The following AMBP variants were observed in gnomAD, a reference collection of about 807,000 sequenced individuals.
AMBP encodes alpha-1-microglobulin/bikunin precursor, also known as protein AMBP.
In AMBP, 37 loss-of-function variants were observed where a neutral mutation model predicts 46.3. That is an observed-to-expected ratio of 0.80 (90% CI 0.61 to 1.05). AMBP has a LOEUF of 1.05. AMBP is among the 50% of genes least tolerant of loss of function. The pLI is 0.00. For synonymous variants in AMBP, 174 were observed against 175.9 expected, an observed-to-expected ratio of 0.99 and a Z score of 0.09; for missense variants, 475 against 461.2, an observed-to-expected ratio of 1.03 and a Z score of -0.27.
At chr9:114,070,255 G>A (rs767332484) in intron 5 of AMBP, among the ~76,000 whole-genome samples, 6 of 152,196 alleles carry the variant, frequency 3.9e-5, no homozygotes, top group Admixed American at 1.3e-4. Context: ...GGGGAGGCAC[G>A]AGCACTGGTG....
At position 114,076,699 on chromosome 9, in the gene AMBP, G is replaced by A; in HGVS notation, c.159C>T (p.Cys53=). 2 of 1,614,054 alleles carry A rather than the reference G, an allele frequency of 1.2e-6. No individual in the cohort carries two copies. The highest frequency in any genetic ancestry group is 1.7e-6 in the Non-Finnish European group (2 of 1,179,992). ...TGTCCATGATCTTCTTCAGCCAGGG[G>A]CAGGTGGAACCGATGGCCAGGTTGT... is the stretch of plus-strand genomic sequence containing the variant. ...KWYNLAIGST[C]PWLKKIMDRM... is the part of the protein sequence containing the mutation. The change falls in exon 2 of 10, where the codon TGC becomes TGT. Residue 53 remains cysteine, a synonymous_variant. Transcript: ENST00000265132.
At chr9:114,071,792 G>A (rs534986846) in intron 5 of AMBP, among the ~76,000 whole-genome samples, 141 of 152,324 alleles carry the variant, frequency 9.3e-4, no homozygotes, top group Non-Finnish European at 1.6e-3. Flanking sequence ...CCTGCAGAGA[G>A]GAGACACACA....
intron 5 of AMBP, among the ~76,000 whole-genome samples, chr9:114,072,227 T>G (rs1846753101): frequency 6.6e-6 from 1 of 152,212 alleles, no homozygotes; most frequent in Non-Finnish European, 1.5e-5. Flanking sequence ...CTGCAGTTCT[T>G]GGCATCTCCG....
intron 6 of AMBP, among the ~76,000 whole-genome samples, chr9:114,067,362 C>T (rs752770281): frequency 2.0e-5 from 3 of 152,128 alleles, no homozygotes; most frequent in Admixed American, 6.5e-5. Flanking sequence ...CTCAGCCTCC[C>T]GATTTGCTGG....
In AMBP at chr9:114,060,923, AC is replaced by A; in HGVS notation, c.1027+1del. The A allele has an allele frequency of 1.9e-6, 3 of 1,612,400 alleles. No homozygotes were observed. Among genetic ancestry groups the A allele is most frequent in the Non-Finnish European group, 2.5e-6 (3 of 1,179,050 alleles). On this transcript the variant is annotated splice_donor_variant, in intron 9 of 9. Coordinates refer to ENST00000265132, the MANE Select transcript of AMBP (RefSeq NM_001633.4). LOFTEE classifies it high-confidence loss of function. ...AGCCTGGCACCCTGCAGGGCTGCCT[AC>A]CATCACCAGGGACACCGCAGTACTC...
chr9:114,073,563 T>C (rs959295409), intron 4 of AMBP, among the ~76,000 whole-genome samples: 4 of 145,608 alleles, frequency 2.7e-5, no homozygotes, highest in African/African-American at 1.0e-4. Flanking sequence ...AGTGGCACAA[T>C]CATGGCTCAT....
In AMBP at chr9:114,061,062, C is replaced by G; in HGVS notation, c.890G>C (p.Arg297Pro). 1 of 1,614,222 alleles carries G rather than the reference C, an allele frequency of 6.2e-7. No individual in the cohort carries two copies. ...AAATGCCCAGAGCTGGATGAAGGCTCGGCAGGGGCCCCGGACTATGGGGAG... is the reference window on the plus strand; with the variant it reads ...AAATGCCCAGAGCTGGATGAAGGCTGGGCAGGGGCCCCGGACTATGGGGAG... ...CNLPIVRGPC[R>P]AFIQLWAFDA... The change falls in exon 9 of 10, where the codon CGA becomes CCA. Residue 297 changes from arginine (R) to proline (P), a missense_variant. Transcript: ENST00000265132.
chr9:114,061,742 G>T (rs1279352483), intron 7 of AMBP, 151 bp from the exon 8 acceptor site: 2 of 988,750 alleles, frequency 2.0e-6, no homozygotes, highest in African/African-American at 1.7e-5. Context: ...GAGAGGTGAA[G>T]TAACTTGGCC....
chr9:114,070,569 C>T (rs1012291658), intron 5 of AMBP, among the ~76,000 whole-genome samples: 1 of 152,166 alleles, frequency 6.6e-6, no homozygotes, highest in African/African-American at 2.4e-5. Context: ...GGGAGCAATA[C>T]AGTTGGGCAG....
intron 8 of AMBP, 60 bp from the exon 9 acceptor site, chr9:114,061,158 C>T (rs914778782): frequency 6.3e-7 from 1 of 1,577,164 alleles, no homozygotes; most frequent in East Asian, 2.2e-5. Context: ...ATCAGACATA[C>T]ATGAGACTGC....
chr9:114,074,319 T>G (rs1846781059), intron 3 of AMBP, among the ~76,000 whole-genome samples, 167 bp from the exon 4 acceptor site: 1 of 152,150 alleles, frequency 6.6e-6, no homozygotes, highest in African/African-American at 2.4e-5. Context: ...TCTCTCCCTA[T>G]CCACCCATCT....
chr9:114,075,203 T>C (rs931889330), intron 2 of AMBP, among the ~76,000 whole-genome samples, 167 bp from the exon 3 acceptor site: 1 of 152,210 alleles, frequency 6.6e-6, no homozygotes, highest in Non-Finnish European at 1.5e-5. Context: ...AATGTCTTGT[T>C]TAATCCTCAC....
chr9:114,062,833 T>C (rs929684181), intron 6 of AMBP, 75 bp from the exon 7 acceptor site: 29 of 1,422,218 alleles, frequency 2.0e-5, no homozygotes, highest in Non-Finnish European at 1.6e-5. Flanking sequence ...CTGGAATATA[T>C]AAATGAACAA....
chr9:114,069,916 C>T, intron 5 of AMBP, 171 bp from the exon 6 acceptor site: 2 of 632,006 alleles, frequency 3.2e-6, no homozygotes, highest in South Asian at 3.9e-5. Context: ...ACTGGAAAAG[C>T]AAGAGACTGG....
chr9:114,060,178 G>T lies in AMBP; in HGVS notation c.*61C>A, dbSNP rs1846618048. 5.8e-6 allele frequency: 9 copies of T among 1,561,670 alleles called. No homozygotes were observed. The East Asian group carries it at 1.8e-4, about 32-fold the overall frequency. Reference sequence around the variant, plus strand: ...ATTTGGACCCAGGTTGCTTGGCGCTGCCTGCCACAGGACCCCGGGACAGAC... The same window carrying T: ...ATTTGGACCCAGGTTGCTTGGCGCTTCCTGCCACAGGACCCCGGGACAGAC... On this transcript the variant is annotated 3_prime_UTR_variant, in exon 10 of 10. Transcript: ENST00000265132.
chr9:114,066,428 C>T (rs866408659), intron 6 of AMBP, among the ~76,000 whole-genome samples: 8 of 95,584 alleles, frequency 8.4e-5, no homozygotes, highest in South Asian at 6.8e-4. Context: ...TGGGGTCTTG[C>T]TATGTTGCCC....
chr9:114,073,043 G>C lies in AMBP; in HGVS notation c.455-17C>G. 2 of 1,608,576 alleles carry C rather than the reference G, an allele frequency of 1.2e-6. No homozygotes were observed. The highest frequency in any genetic ancestry group is 2.2e-5 in the South Asian group (2 of 90,212). ...GCGCCCGCCCTGCAAGGAGGAAGCA[G>C]AGGAGACGCCTAGAACCACCAGGTG... On this transcript the variant is annotated splice_polypyrimidine_tract_variant and intron_variant, in intron 4 of 9. Transcript: ENST00000265132.
chr9:114,075,016 G>T lies in AMBP; in HGVS notation c.281C>A (p.Thr94Lys), dbSNP rs748722080. The part of the protein sequence containing the change: ...TRWRKGVCEE[T>K]SGAYEKTDTD... ...ATCTGTTTTCTCATAAGCTCCAGAC[G>T]TCTCCTCACAGACACCTTTCCTAGA... Residue 94 changes from threonine (T) to lysine (K), a missense_variant, in exon 3 of 10, where the codon ACG (threonine) becomes AAG (lysine). Physicochemically the swap from Thr to Lys is moderately conservative, Grantham distance 78. Coordinates refer to ENST00000265132, the MANE Select transcript of AMBP (RefSeq NM_001633.4). 4.3e-6 allele frequency: 7 copies of T among 1,613,914 alleles called. No homozygotes were observed. Among genetic ancestry groups the T allele is most frequent in the Non-Finnish European group, 5.9e-6 (7 of 1,179,968 alleles).
intron 5 of AMBP, among the ~76,000 whole-genome samples, chr9:114,070,671 G>A (rs1328923507): frequency 6.6e-6 from 1 of 152,202 alleles, no homozygotes; most frequent in East Asian, 1.9e-4. Flanking sequence ...CTGGGGCGTA[G>A]CCTTGGGACC....
Sources: allele counts gnomAD v4.1 joint callset (sites outside exome capture counted in the v4.1 genomes callset), GRCh38; gene constraint gnomAD v4.1.1; transcripts MANE v1.5; gene names NCBI Gene and HGNC (gene_info 2026-07-23, HGNC 2026-07-21).